The following LMLN variants were observed in gnomAD, a reference collection of about 807,000 sequenced individuals.
LMLN encodes the protein leishmanolysin-like peptidase.
LMLN carries 70 observed loss-of-function variants against 92.3 expected under a neutral mutation model. The ratio of observed to expected loss-of-function variants is 0.76; its 90% confidence interval spans 0.63 to 0.92. The LOEUF is 0.92. LMLN is among the 40% of genes least tolerant of loss of function. LMLN has a pLI of 0.00. For missense variants in LMLN, 691 were observed against 814.6 expected (o/e 0.85, Z 1.85); for synonymous variants, 308 against 296.2 (o/e 1.04, Z -0.41).
At chr3:198,020,768 A>ATTGTTTTTTTTTTTTTT (rs1722756549) in intron 12 of LMLN, among the ~76,000 whole-genome samples, 1 of 32,870 alleles carries the variant, frequency 3.0e-5, no homozygotes, top group African/African-American at 1.2e-4. Flanking sequence ...TAATTTTTGT[A>ATTGTTTTTTTTTTTTTT]TTTTTTTTTT....
intron 13 of LMLN, 39 bp downstream of exon 14, chr3:198,021,644 A>T (rs141748145): frequency 6.5e-7 from 1 of 1,532,110 alleles, no homozygotes; most frequent in African/African-American, 1.4e-5. Context: ...TATACATATT[A>T]AAATTATGTA....
intron 10 of LMLN, 73 bp from the exon 11 acceptor site, chr3:197,999,193 A>G (rs1363865988): frequency 9.8e-7 from 1 of 1,023,914 alleles, no homozygotes; most frequent in African/African-American, 1.6e-5. Flanking sequence ...AAATATGTAT[A>G]TCAGAGGAAT....
chr3:197,994,563 T>G (rs1227886274), intron 9 of LMLN: 2 of 152,184 alleles, frequency 1.3e-5, no homozygotes, highest in Admixed American at 6.5e-5. Context: ...GAGATGTCAT[T>G]TTATGCCTAT....
intron 14 of LMLN, 58 bp downstream of exon 15, chr3:198,024,846 G>A: frequency 3.6e-6 from 5 of 1,371,466 alleles, no homozygotes; most frequent in Non-Finnish European, 4.9e-6. Flanking sequence ...TCTCTTTTAT[G>A]GTTTTGTATT....
intron 11 of LMLN, among the ~76,000 whole-genome samples, chr3:198,016,676 C>A (rs900654738): frequency 1.2e-4 from 19 of 152,178 alleles, no homozygotes; most frequent in African/African-American, 4.3e-4. Flanking sequence ...ACAGTTGCAA[C>A]TCTGTTTATT....
intron 14 of LMLN, 55 bp downstream of exon 15, chr3:198,024,843 T>C: frequency 7.2e-7 from 1 of 1,381,758 alleles, no homozygotes; most frequent in Non-Finnish European, 9.8e-7. Context: ...TTATCTCTTT[T>C]ATGGTTTTGT....
intron 14 of LMLN, among the ~76,000 whole-genome samples, chr3:198,034,151 T>C (rs1264444371): frequency 6.6e-6 from 1 of 152,224 alleles, no homozygotes; most frequent in African/African-American, 2.4e-5. Context: ...CCAAAAATTA[T>C]ATCTACTTGC....
chr3:198,028,584 C>G (rs1177051074), intron 14 of LMLN, among the ~76,000 whole-genome samples: 2 of 152,160 alleles, frequency 1.3e-5, no homozygotes, highest in African/African-American at 4.8e-5. Flanking sequence ...ATGTTTTTCC[C>G]TGATGAAACT....
At chr3:197,963,903 A>G (rs1720976413) in intron 1 of LMLN, among the ~76,000 whole-genome samples, 1 of 152,136 alleles carries the variant, frequency 6.6e-6, no homozygotes, top group Non-Finnish European at 1.5e-5. Flanking sequence ...TGTTAACTTT[A>G]CATTTTTTTG....
intron 7 of LMLN, among the ~76,000 whole-genome samples, chr3:197,984,358 C>T (rs1721639438): frequency 6.6e-6 from 1 of 151,948 alleles, no homozygotes; most frequent in Non-Finnish European, 1.5e-5. Context: ...TAGAGGCCGA[C>T]TTTGTATCAA....
At chr3:198,012,816 C>T (rs1396632277) in intron 11 of LMLN, among the ~76,000 whole-genome samples, 42 of 148,966 alleles carry the variant, frequency 2.8e-4, no homozygotes, top group African/African-American at 9.9e-4. Flanking sequence ...AGCCCCCTAA[C>T]TAGTCTGACT....
exon 6 of LMLN, chr3:197,980,329 T>C: frequency 6.2e-7 from 1 of 1,612,962 alleles, no homozygotes; most frequent in East Asian, 2.2e-5. Flanking sequence ...GGTGCAGCAA[T>C]GCCGGGTCTA....
chr3:198,032,369 C>T (rs1343181790), intron 14 of LMLN, among the ~76,000 whole-genome samples: 1 of 152,190 alleles, frequency 6.6e-6, no homozygotes, highest in Admixed American at 6.5e-5. Flanking sequence ...GGCATCCCAG[C>T]TCTCTGCTGT....
intron 13 of LMLN, 54 bp downstream of exon 14, chr3:198,021,659 C>A: frequency 6.7e-7 from 1 of 1,493,364 alleles, no homozygotes; most frequent in Non-Finnish European, 9.3e-7. Context: ...TATGTATTAG[C>A]AATATAGAAT....
chr3:197,972,966 C>T (rs1721270896), intron 1 of LMLN, among the ~76,000 whole-genome samples: 1 of 152,140 alleles, frequency 6.6e-6, no homozygotes, highest in Non-Finnish European at 1.5e-5. Flanking sequence ...GAACATTTTG[C>T]TGTAGCTCCT....
chr3:197,974,716 TA>T (rs949502446), intron 2 of LMLN, among the ~76,000 whole-genome samples: 10 of 152,234 alleles, frequency 6.6e-5, no homozygotes, highest in African/African-American at 2.2e-4. Flanking sequence ...ATGAATAATT[TA>T]AACAGAACAA....
At position 198,019,720 on chromosome 3, in the gene LMLN, C is replaced by T. The variant is rs907406263; in HGVS notation, c.1365+335C>T. Among the ~76,000 whole-genome samples the T allele has an allele frequency of 3.9e-5, 6 of 152,144 alleles. No individual in the cohort carries two copies. The highest frequency in any genetic ancestry group is 1.5e-5 in the Non-Finnish European group (1 of 68,024). ...AAAAAGAAATCTTTAAAGAAAATAA[C>T]TTAAGTACTCCAATCCAGTTAATTA... On this transcript the variant is annotated intron_variant, in intron 12 of 15. Transcript: ENST00000330198. This position sits in a 1 kb window ranked among gnomAD's most constrained non-coding sequence, Gnocchi z 5.5.
intron 8 of LMLN, among the ~76,000 whole-genome samples, chr3:197,986,172 A>T (rs1164606954): frequency 6.6e-6 from 1 of 152,186 alleles, no homozygotes; most frequent in East Asian, 1.9e-4. Flanking sequence ...AAAAGCATCA[A>T]ACCTTCCGGC....
chr3:198,036,018 T>C, exon 15 of LMLN: 1 of 1,613,748 alleles, frequency 6.2e-7, no homozygotes, highest in African/African-American at 1.3e-5. Context: ...CTCCAGCCAC[T>C]AACCTGACCC....
Sources: allele counts gnomAD v4.1 joint callset (sites outside exome capture counted in the v4.1 genomes callset), GRCh38; gene constraint gnomAD v4.1.1; non-coding constraint Gnocchi (gnomAD v3.1); transcripts MANE v1.5; gene names NCBI Gene and HGNC (gene_info 2026-07-23, HGNC 2026-07-21).